Variants in GBE1 observed in about 807,000 individuals in gnomAD.
GBE1 encodes the protein 1,4-alpha-glucan-branching enzyme.
GBE1 carries 70 observed loss-of-function variants against 88.8 expected under a neutral mutation model. The ratio of observed to expected loss-of-function variants is 0.79; its 90% CI spans 0.65 to 0.96. GBE1 has a LOEUF of 0.96. Among genes scored for constraint, GBE1 ranks in the 40% least tolerant of loss-of-function variants. GBE1 has a pLI of 0.00. For synonymous variants in GBE1, 284 were observed against 300.1 expected, an observed-to-expected ratio of 0.95 and a Z score of 0.56; for missense variants, 872 against 871.0, an observed-to-expected ratio of 1.00 and a Z score of -0.01.
At chr3:81,566,879 A>G (rs896619430) in intron 12 of GBE1, among the ~76,000 whole-genome samples, 5 of 152,052 alleles carry the variant, frequency 3.3e-5, no homozygotes, top group Non-Finnish European at 7.4e-5. Flanking sequence ...TTTCCCTTCT[A>G]TGTTGATCTT....
At chr3:81,741,956 T>C (rs1426373086) in intron 1 of GBE1, among the ~76,000 whole-genome samples, 1 of 151,038 alleles carries the variant, frequency 6.6e-6, no homozygotes, top group Non-Finnish European at 1.5e-5. Context: ...TTGAAAATCT[T>C]GATACTATAA....
intron 14 of GBE1, among the ~76,000 whole-genome samples, chr3:81,517,374 CTACAG>C (rs1702810739): frequency 6.6e-6 from 1 of 151,378 alleles, no homozygotes; most frequent in South Asian, 2.1e-4. Flanking sequence ...ACTTATTAGA[CTACAG>C]TATAGTATAA....
intron 12 of GBE1, among the ~76,000 whole-genome samples, chr3:81,563,633 A>G (rs1381557269): frequency 6.6e-6 from 1 of 152,048 alleles, no homozygotes; most frequent in Non-Finnish European, 1.5e-5. Flanking sequence ...AGTTCCCTGT[A>G]TTTAAGGGAA....
chr3:81,543,279 A>C (rs781248606), intron 12 of GBE1, among the ~76,000 whole-genome samples: 15 of 152,262 alleles, frequency 9.9e-5, no homozygotes, highest in Middle Eastern at 6.8e-3. Context: ...CATACAACAA[A>C]GAGAGACAGA....
intron 14 of GBE1, among the ~76,000 whole-genome samples, chr3:81,501,686 CTTTTTTTTTTTT>C (rs35149061): frequency 1.5e-4 from 11 of 71,992 alleles, no homozygotes; most frequent in East Asian, 8.2e-4. Context: ...CTTAGGGGCA[CTTTTTTTTTTTT>C]TTTTTTTTTT....
chr3:81,587,567 C>T (rs1369168200), intron 9 of GBE1, among the ~76,000 whole-genome samples: 1 of 152,150 alleles, frequency 6.6e-6, no homozygotes. Context: ...TCAACAATTA[C>T]ACATTAAGCA....
intron 12 of GBE1, among the ~76,000 whole-genome samples, chr3:81,577,520 G>T (rs762694313): frequency 6.6e-5 from 10 of 151,928 alleles, no homozygotes; most frequent in Non-Finnish European, 1.5e-4. Flanking sequence ...AAGTATACTG[G>T]TATAAAATTA....
At chr3:81,548,559 G>A (rs1703236640) in intron 12 of GBE1, among the ~76,000 whole-genome samples, 1 of 151,172 alleles carries the variant, frequency 6.6e-6, no homozygotes, top group Non-Finnish European at 1.5e-5. Flanking sequence ...ATGCCAGAAA[G>A]GTAACCAAAT....
chr3:81,594,892 T>C (rs1012320282), intron 7 of GBE1, among the ~76,000 whole-genome samples: 2 of 151,930 alleles, frequency 1.3e-5, no homozygotes, highest in Non-Finnish European at 2.9e-5. Flanking sequence ...AAGACTTTAA[T>C]ACCTCATTTA....
At chr3:81,630,739 C>T (rs1411532166) in intron 7 of GBE1, among the ~76,000 whole-genome samples, 1 of 152,132 alleles carries the variant, frequency 6.6e-6, no homozygotes, top group Non-Finnish European at 1.5e-5. Flanking sequence ...CGTCAAATAC[C>T]TTGTTTCTCA....
At chr3:81,570,203 T>G (rs1211993679) in intron 12 of GBE1, among the ~76,000 whole-genome samples, 1 of 152,168 alleles carries the variant, frequency 6.6e-6, no homozygotes, top group African/African-American at 2.4e-5. Flanking sequence ...TAACTTCTAA[T>G]TAACCTAAGA....
chr3:81,738,761 T>G (rs946436878), intron 1 of GBE1, among the ~76,000 whole-genome samples: 1 of 152,176 alleles, frequency 6.6e-6, no homozygotes, highest in East Asian at 1.9e-4. Context: ...ATCCCATTAT[T>G]TAATCCTCAT....
chr3:81,708,993 C>T (rs1424633044), intron 1 of GBE1, among the ~76,000 whole-genome samples: 1 of 152,086 alleles, frequency 6.6e-6, no homozygotes, highest in African/African-American at 2.4e-5. Flanking sequence ...ACAAGAAACA[C>T]AAAATTGCAA....
chr3:81,612,098 CTTTCAAA>C (rs571652273), intron 7 of GBE1: 587 of 268,354 alleles, frequency 2.2e-3, no homozygotes, highest in Non-Finnish European at 3.2e-3. Context: ...AGAGCGCAAA[CTTTCAAA>C]TTATAGGAAT....
At chr3:81,535,931 G>T (rs1237699550) in intron 13 of GBE1, among the ~76,000 whole-genome samples, 5 of 151,730 alleles carry the variant, frequency 3.3e-5, no homozygotes, top group Admixed American at 3.3e-4. Context: ...TTTACAGTTG[G>T]CTGTGAAAAG....
At chr3:81,752,689 A>G (rs1706546107) in intron 1 of GBE1, among the ~76,000 whole-genome samples, 2 of 152,044 alleles carry the variant, frequency 1.3e-5, no homozygotes, top group African/African-American at 4.8e-5. Flanking sequence ...TTCCTTCTCT[A>G]TTAGATTATG....
At chr3:81,698,574 C>A (rs967131661) in intron 2 of GBE1, among the ~76,000 whole-genome samples, 1 of 152,022 alleles carries the variant, frequency 6.6e-6, no homozygotes, top group African/African-American at 2.4e-5. Context: ...GAGATTTTCC[C>A]AATATTCAAT....
At position 81,576,289 on chromosome 3, in the gene GBE1, T is replaced by C. The variant is rs948994494; in HGVS notation, c.1618+1636A>G. 8.5e-5 allele frequency among the ~76,000 whole-genome samples: 13 copies of C among 152,162 alleles called. 1 individual carries two copies. The highest frequency in any genetic ancestry group is 3.1e-4 in the African/African-American group (13 of 41,536). On this transcript the variant is annotated intron_variant, in intron 12 of 15. Coordinates refer to ENST00000429644, the MANE Select transcript of GBE1 (RefSeq NM_000158.4). ...TATCAAATAGAAAAATATTTTATCCTAAATTTAGGATATGACCATCCTGTT... is the reference window on the plus strand; with the variant it reads ...TATCAAATAGAAAAATATTTTATCCCAAATTTAGGATATGACCATCCTGTT...
At chr3:81,547,625 T>TTCTCTCTCTCTCTCTCTCTCTCTC (rs56681369) in intron 12 of GBE1, among the ~76,000 whole-genome samples, 1 of 138,384 alleles carries the variant, frequency 7.2e-6, no homozygotes, top group African/African-American at 2.6e-5. Context: ...GGTTCGTTTG[T>TTCTCTCTCTCTCTCTCTCTCTCTC]TCTCTCTCTC....
Sources: gnomAD v4.1 joint callset for allele counts (sites outside exome capture counted in the v4.1 genomes callset) on GRCh38, gnomAD v4.1.1 for gene constraint, MANE v1.5 for transcripts, NCBI Gene and HGNC (gene_info 2026-07-23, HGNC 2026-07-21) for gene names.